DACH2: variants seen among roughly 807,000 people sequenced by gnomAD.
DACH2 encodes dachshund homolog 2.
A neutral mutation model predicts 35.8 loss-of-function variants in DACH2; 17 were observed. The ratio of observed to expected loss-of-function variants is 0.48; its 90% CI spans 0.33 to 0.71. DACH2 has a LOEUF of 0.71. Ranked by LOEUF, DACH2 falls within the 30% of genes least tolerant of loss-of-function variation. The probability of loss-of-function intolerance (pLI) is 0.02; values close to 1 mark genes in which losing one functional copy is unlikely to be tolerated. For synonymous variants in DACH2, 195 were observed against 177.3 expected, an observed-to-expected ratio of 1.10 and a Z score of -0.79; for missense variants, 469 against 472.7, an observed-to-expected ratio of 0.99 and a Z score of 0.07.
Position 86,393,644 on chromosome X carries a change from G to T in DACH2, c.527+16782G>T, listed in dbSNP as rs534310414. 8.0e-5 allele frequency among the ~76,000 whole-genome samples: 9 copies of T among 112,088 alleles called. 1 individual carries two copies. In the South Asian group the frequency reaches 3.3e-3, roughly 41 times the overall value. On this transcript the variant is annotated intron_variant, in intron 2 of 11. Transcript: ENST00000373125. ...CATACCAGGTAAACTGAGGGAATGG[G>T]TATAGAAATTGTAGAATTGGGAAGG...
At chrX:86,565,016 T>C (rs766131009) in intron 3 of DACH2, among the ~76,000 whole-genome samples, 8 of 111,729 alleles carry the variant, frequency 7.2e-5, no homozygotes, top group Non-Finnish European at 1.5e-4. Flanking sequence ...AATTTCATCA[T>C]GTAACCTTCA....
rs769641923 is a variant in DACH2 at position 86,269,869 on chromosome X, T to C, written c.489-106955T>C. On this transcript the variant is annotated intron_variant, in intron 1 of 11. Transcript: ENST00000373125. ...CTGTTTGGTTTTATATATTCACTAT[T>C]ATTGTCAACAAGGATAACATTTTTC... Among the ~76,000 whole-genome samples, 10 of 109,340 alleles carry C rather than the reference T, an allele frequency of 9.1e-5. No homozygotes were observed. The South Asian group carries it at 3.9e-3, about 43-fold the overall frequency. 94.9% of individuals were successfully genotyped at this position (109,340 alleles called of 115,157 possible). A position where few individuals can be genotyped will look rare whatever the true frequency, so the allele number is the denominator to read the frequency against.
intron 1 of DACH2, among the ~76,000 whole-genome samples, chrX:86,229,187 C>T (rs2032893971): frequency 8.9e-6 from 1 of 111,901 alleles, no homozygotes; most frequent in Non-Finnish European, 1.9e-5. Flanking sequence ...CTACATGTGG[C>T]TAGCCAGTTA....
chrX:86,220,446 G>T (rs2032683608), intron 1 of DACH2, among the ~76,000 whole-genome samples: 1 of 111,206 alleles, frequency 9.0e-6, no homozygotes, highest in East Asian at 2.8e-4. Flanking sequence ...TCTGTTTTAG[G>T]TACCTCATAT....
At chrX:86,487,771 A>G (rs2038039188) in intron 2 of DACH2, among the ~76,000 whole-genome samples, 1 of 112,132 alleles carries the variant, frequency 8.9e-6, no homozygotes, top group Non-Finnish European at 1.9e-5. Flanking sequence ...CAGCATATAA[A>G]TTGGAAAAAT....
intron 4 of DACH2, among the ~76,000 whole-genome samples, chrX:86,657,841 T>G (rs1376621712): frequency 9.0e-6 from 1 of 111,377 alleles, no homozygotes; most frequent in Non-Finnish European, 1.9e-5. Flanking sequence ...TGCCAAGTAT[T>G]CAATTAAAAT....
intron 11 of DACH2, among the ~76,000 whole-genome samples, chrX:86,820,018 C>T (rs748114956): frequency 9.0e-6 from 1 of 111,147 alleles, no homozygotes; most frequent in African/African-American, 3.3e-5. Context: ...ATAGGTAAAA[C>T]AAAAACAGAA....
chrX:86,608,282 C>G (rs929140568), intron 3 of DACH2, among the ~76,000 whole-genome samples: 2 of 111,311 alleles, frequency 1.8e-5, no homozygotes, highest in African/African-American at 6.5e-5. Flanking sequence ...TGCTGGAGAG[C>G]ATGTGGAGAA....
Position 86,667,612 on chromosome X carries a change from GA to G in DACH2, c.772+16448del, listed in dbSNP as rs1556364381. Reference sequence around the variant, plus strand: ...AGAAAGAAAGAAAGAAAGAAAGAAAGAAAGGCAGGCAGGCCCTGGTCTTAAC... The same window carrying G: ...AGAAAGAAAGAAAGAAAGAAAGAAAGAAGGCAGGCAGGCCCTGGTCTTAAC... On this transcript the variant is annotated intron_variant, in intron 4 of 11. Coordinates refer to ENST00000373125, the MANE Select transcript of DACH2 (RefSeq NM_053281.3). Among the ~76,000 whole-genome samples the G allele has an allele frequency of 7.2e-4, 76 of 105,346 alleles. 1 individual carries two copies. The highest frequency in any genetic ancestry group is 2.4e-3 in the African/African-American group (65 of 27,608). 91.5% of individuals were successfully genotyped at this position (105,346 alleles called of 115,157 possible).
intron 2 of DACH2, among the ~76,000 whole-genome samples, chrX:86,500,509 A>G (rs1196637746): frequency 1.8e-5 from 2 of 112,097 alleles, no homozygotes; most frequent in Non-Finnish European, 3.8e-5. Context: ...AATGTCGTTT[A>G]AAGTAGAATC....
intron 1 of DACH2, among the ~76,000 whole-genome samples, chrX:86,194,647 C>T (rs1175506509): frequency 8.9e-6 from 1 of 112,657 alleles, no homozygotes; most frequent in Non-Finnish European, 1.9e-5. Context: ...AGACAGACCC[C>T]TTGACCACCA....
intron 3 of DACH2, among the ~76,000 whole-genome samples, chrX:86,638,861 T>A (rs1337483172): frequency 8.9e-6 from 1 of 111,997 alleles, no homozygotes; most frequent in Non-Finnish European, 1.9e-5. Flanking sequence ...AATTTCTCAA[T>A]GAACTAAAAA....
At chrX:86,645,005 G>T (rs759503173) in intron 3 of DACH2, among the ~76,000 whole-genome samples, 7 of 110,597 alleles carry the variant, frequency 6.3e-5, no homozygotes, top group Middle Eastern at 4.7e-3. Flanking sequence ...CCTAGGAATG[G>T]GCAAAGATTT....
Position 86,475,239 on chromosome X carries a change from T to C in DACH2, c.528-39040T>C, listed in dbSNP as rs752409782. Among the ~76,000 whole-genome samples, 17 of 111,638 alleles carry C rather than the reference T, an allele frequency of 1.5e-4. No homozygotes were observed. In the South Asian group the frequency reaches 6.4e-3, roughly 42 times the overall value. The stretch of plus-strand genomic sequence containing the variant: ...GGAATATCAACAGAATTGATATTGG[T>C]ATTTTGATAGGGATACATTGAATCT... On this transcript the variant is annotated intron_variant, in intron 2 of 11. Transcript: ENST00000373125.
At chrX:86,474,108 A>G (rs1030130294) in intron 2 of DACH2, among the ~76,000 whole-genome samples, 1 of 111,983 alleles carries the variant, frequency 8.9e-6, no homozygotes, top group Non-Finnish European at 1.9e-5. Flanking sequence ...CATTTCTCCG[A>G]TGATGAATAA....
intron 2 of DACH2, among the ~76,000 whole-genome samples, chrX:86,434,275 T>C (rs2037031646): frequency 1.8e-5 from 2 of 111,948 alleles, no homozygotes; most frequent in Non-Finnish European, 3.8e-5. Flanking sequence ...ATGTAGTGCA[T>C]AATAATCACA....
chrX:86,155,617 T>C (rs916286136), intron 1 of DACH2, among the ~76,000 whole-genome samples: 20 of 111,405 alleles, frequency 1.8e-4, no homozygotes, highest in African/African-American at 6.5e-4. Context: ...GAATTTAATA[T>C]TGTAGGTGAT....
Position 86,502,822 on chromosome X carries a change from G to A in DACH2, c.528-11457G>A, listed in dbSNP as rs928690947. ...ATGTGGCCAGAACAGCTTCGAATGT[G>A]ATCCAACACAAATTTGTACACTTTC... is the stretch of plus-strand genomic sequence containing the variant. On this transcript the variant is annotated intron_variant, in intron 2 of 11. Transcript: ENST00000373125. Among the ~76,000 whole-genome samples, 6 of 111,845 alleles carry A rather than the reference G, an allele frequency of 5.4e-5. 1 individual carries two copies. Among genetic ancestry groups the A allele is most frequent in the Non-Finnish European group, 7.5e-5 (4 of 53,193 alleles).
intron 7 of DACH2, among the ~76,000 whole-genome samples, chrX:86,792,467 T>C: frequency 9.3e-6 from 1 of 107,795 alleles, no homozygotes; most frequent in South Asian, 3.7e-4. Context: ...CATTAGAACT[T>C]ATTCCTTCTA....
Sources: gnomAD v4.1 joint callset for allele counts (sites outside exome capture counted in the v4.1 genomes callset) on GRCh38, gnomAD v4.1.1 for gene constraint, MANE v1.5 for transcripts, NCBI Gene and HGNC (gene_info 2026-07-23, HGNC 2026-07-21) for gene names.